Variants in PRIM2 observed in about 807,000 individuals in gnomAD.
PRIM2 encodes the protein DNA primase large subunit.
PRIM2 carries 39 observed loss-of-function variants against 67.3 expected under a neutral mutation model. The observed-to-expected ratio is 0.58, with a 90% CI of 0.45 to 0.76. PRIM2 has a LOEUF of 0.76. Ranked by LOEUF, PRIM2 falls within the 30% of genes least tolerant of loss-of-function variation. PRIM2 has a pLI of 0.00. For missense variants in PRIM2, 398 were observed against 598.7 expected, an observed-to-expected ratio of 0.66 and a Z score of 3.50; for synonymous variants, 143 against 198.7, an observed-to-expected ratio of 0.72 and a Z score of 2.36.
chr6:57,234,652 T>C, the PRIM2 span, among the ~76,000 whole-genome samples: 6 of 152,164 alleles, frequency 3.9e-5, no homozygotes, highest in African/African-American at 1.4e-4. Flanking sequence ...GCCTCCCAAG[T>C]AGCTGGGACT....
intron 5 of PRIM2, among the ~76,000 whole-genome samples, chr6:57,335,508 G>C (rs1768204996): frequency 6.6e-6 from 1 of 152,206 alleles, no homozygotes; most frequent in Admixed American, 6.5e-5. Flanking sequence ...CACCCAGCTG[G>C]AGATCTGAGA....
intron 7 of PRIM2, among the ~76,000 whole-genome samples, chr6:57,397,984 G>A (rs555244672): frequency 5.4e-4 from 78 of 143,666 alleles, no homozygotes; most frequent in African/African-American, 1.9e-3. Flanking sequence ...TTTTTGAGAC[G>A]GAGTCTTGCT....
At chr6:57,563,358 A>G (rs1775675607) in intron 10 of PRIM2, among the ~76,000 whole-genome samples, 2 of 151,480 alleles carry the variant, frequency 1.3e-5, no homozygotes, top group Admixed American at 1.3e-4. Flanking sequence ...CATTAGGAAC[A>G]TCAATTATCA....
In PRIM2 at chr6:57,360,181, A is replaced by G. The variant is rs112172279; in HGVS notation, c.460-19720A>G. Among the ~76,000 whole-genome samples the G allele has an allele frequency of 5.9e-5, 9 of 152,338 alleles. No homozygotes were observed. In the South Asian group the frequency reaches 8.3e-4, roughly 14 times the overall value. Reference sequence around the variant, plus strand: ...AATTTAGCTCAGATGGTGAATACCAATATGTTCAGAGTACTGTGTAGGTGC... The same window carrying G: ...AATTTAGCTCAGATGGTGAATACCAGTATGTTCAGAGTACTGTGTAGGTGC... On this transcript the variant is annotated intron_variant, in intron 5 of 13. Transcript: ENST00000615550.
Position 57,382,175 on chromosome 6 carries a change from A to T in PRIM2, c.693+7A>T. The stretch of plus-strand genomic sequence containing the variant: ...ACTGTCCAAGGCTTTGGCAGTGAGT[A>T]TTTTACTTGATTTCTGTATCTGACA... On this transcript the variant is annotated splice_region_variant and intron_variant, in intron 7 of 13. Transcript: ENST00000615550. 1 of 1,611,326 alleles carries T rather than the reference A, an allele frequency of 6.2e-7. No individual in the cohort carries two copies. Among genetic ancestry groups the T allele is most frequent in the East Asian group, 2.2e-5 (1 of 44,796 alleles).
chr6:57,255,742 C>A, the PRIM2 span, among the ~76,000 whole-genome samples: 2,566 of 124,978 alleles, frequency 0.021, 26 homozygotes, highest in Non-Finnish European at 0.031. Flanking sequence ...AAGAGAACAT[C>A]TAGTTAGAAT....
chr6:57,450,274 C>A (rs1461564724), intron 7 of PRIM2, among the ~76,000 whole-genome samples: 2 of 152,050 alleles, frequency 1.3e-5, no homozygotes, highest in Admixed American at 1.3e-4. Flanking sequence ...GTTAATAGTT[C>A]TTTTTGGTGT....
chr6:57,516,970 A>G (rs1470106575), intron 8 of PRIM2, among the ~76,000 whole-genome samples: 1 of 152,160 alleles, frequency 6.6e-6, no homozygotes, highest in Admixed American at 6.5e-5. Flanking sequence ...CGCTTGTCAC[A>G]GTGGTTTTGT....
At chr6:57,470,514 C>A (rs1773313971) in intron 7 of PRIM2, among the ~76,000 whole-genome samples, 1 of 142,824 alleles carries the variant, frequency 7.0e-6, no homozygotes, top group African/African-American at 2.6e-5. Flanking sequence ...GTAGCTTCTC[C>A]CAAAGCTTAA....
At chr6:57,431,579 TGAGGCTACAGTG>T (rs1771830202) in intron 7 of PRIM2, among the ~76,000 whole-genome samples, 1 of 152,072 alleles carries the variant, frequency 6.6e-6, no homozygotes. Flanking sequence ...GCCCAGGATT[TGAGGCTACAGTG>T]AGCAATGATA....
intron 7 of PRIM2, among the ~76,000 whole-genome samples, chr6:57,484,266 G>C (rs1400140659): frequency 6.6e-6 from 1 of 152,298 alleles, no homozygotes; most frequent in East Asian, 1.9e-4. Context: ...TTTTATAACA[G>C]ATTCTAAAGC....
intron 7 of PRIM2, chr6:57,383,695 A>G (rs1770041352): frequency 1.3e-5 from 2 of 152,218 alleles, no homozygotes; most frequent in South Asian, 4.1e-4. Flanking sequence ...GAGGCAGGTA[A>G]CTTCGGGACA....
At chr6:57,620,953 C>T (rs1240554797) in intron 12 of PRIM2, among the ~76,000 whole-genome samples, 3 of 152,274 alleles carry the variant, frequency 2.0e-5, no homozygotes, top group African/African-American at 7.2e-5. Flanking sequence ...ATGAAACAAA[C>T]TTTAAAGCAA....
At chr6:57,282,186 G>A in the PRIM2 span, among the ~76,000 whole-genome samples, 1 of 152,102 alleles carries the variant, frequency 6.6e-6, no homozygotes, top group Non-Finnish European at 1.5e-5. Flanking sequence ...GCATAGTTGT[G>A]TCTGTGTATA....
At chr6:57,341,266 T>G (rs79372090) in intron 5 of PRIM2, among the ~76,000 whole-genome samples, 1 of 152,208 alleles carries the variant, frequency 6.6e-6, no homozygotes, top group African/African-American at 2.4e-5. Flanking sequence ...GGGTGTTTAT[T>G]AGAACGTCGG....
intron 7 of PRIM2, chr6:57,383,051 A>C (rs1199731902): frequency 6.6e-6 from 1 of 152,168 alleles, no homozygotes; most frequent in Admixed American, 6.5e-5. Context: ...AACACCTAGC[A>C]TAACAGGTAT....
At chr6:57,539,035 A>C (rs1775077975) in intron 10 of PRIM2, among the ~76,000 whole-genome samples, 1 of 152,204 alleles carries the variant, frequency 6.6e-6, no homozygotes, top group Non-Finnish European at 1.5e-5. Flanking sequence ...ATAGATTTTT[A>C]AAAATAACAT....
At chr6:57,299,201 T>C in the PRIM2 span, among the ~76,000 whole-genome samples, 1 of 152,178 alleles carries the variant, frequency 6.6e-6, no homozygotes, top group South Asian at 2.1e-4. Context: ...GGGGCTTTAA[T>C]GTGTATTATC....
chr6:57,415,542 C>T (rs1771232827), intron 7 of PRIM2, among the ~76,000 whole-genome samples: 2 of 152,146 alleles, frequency 1.3e-5, no homozygotes, highest in South Asian at 4.1e-4. Flanking sequence ...GGTGGAGGGT[C>T]TTGCCTCAAT....
Sources: gnomAD v4.1 joint callset for allele counts (sites outside exome capture counted in the v4.1 genomes callset) on GRCh38, gnomAD v4.1.1 for gene constraint, MANE v1.5 for transcripts, NCBI Gene and HGNC (gene_info 2026-07-23, HGNC 2026-07-21) for gene names.